The following KCNIP1 variants were observed in gnomAD, a reference collection of about 807,000 sequenced individuals.
KCNIP1 encodes potassium voltage-gated channel interacting protein 1, also known as A-type potassium channel modulatory protein KCNIP1.
KCNIP1 carries 18 observed loss-of-function variants against 33.0 expected under a neutral mutation model. The ratio of observed to expected loss-of-function variants is 0.55; its 90% CI spans 0.38 to 0.81. The LOEUF (loss-of-function observed/expected upper bound fraction) is 0.81. Among genes scored for constraint, KCNIP1 ranks in the 30% least tolerant of loss-of-function variants. The pLI is 0.00. For missense variants in KCNIP1, 238 were observed against 271.6 expected, an observed-to-expected ratio of 0.88 and a Z score of 0.87; for synonymous variants, 93 against 98.3, an observed-to-expected ratio of 0.95 and a Z score of 0.32.
At chr5:170,596,816 G>T (rs1036583544) in intron 1 of KCNIP1, among the ~76,000 whole-genome samples, 2 of 152,230 alleles carry the variant, frequency 1.3e-5, no homozygotes, top group African/African-American at 4.8e-5. Flanking sequence ...AATGGAGGTT[G>T]TCCAGGGGGT....
chr5:170,548,122 T>C (rs1404821119), intron 1 of KCNIP1, among the ~76,000 whole-genome samples: 2 of 152,174 alleles, frequency 1.3e-5, no homozygotes, highest in Admixed American at 6.5e-5. Flanking sequence ...CACTTAAAAT[T>C]TTGAACTAAT....
upstream of KCNIP1, among the ~76,000 whole-genome samples, chr5:170,499,388 G>A (rs1006818851): frequency 6.6e-5 from 10 of 152,200 alleles, no homozygotes; most frequent in African/African-American, 1.9e-4. Flanking sequence ...TATGTGCCAG[G>A]CACCTGCTAA....
At chr5:170,582,628 C>T (rs1020721910) in intron 1 of KCNIP1, among the ~76,000 whole-genome samples, 10 of 152,216 alleles carry the variant, frequency 6.6e-5, no homozygotes, top group African/African-American at 1.9e-4. Flanking sequence ...CTCTTATTCC[C>T]GAAGAGATCC....
intron 1 of KCNIP1, among the ~76,000 whole-genome samples, chr5:170,439,489 C>CGGG (rs11431460): frequency 6.7e-6 from 1 of 149,574 alleles, no homozygotes; most frequent in East Asian, 2.0e-4. Context: ...GGGACGGGGG[C>CGGG]GGGGGGGTGC....
At chr5:170,469,488 C>A (rs1296200539) in intron 1 of KCNIP1, among the ~76,000 whole-genome samples, 2 of 152,222 alleles carry the variant, frequency 1.3e-5, no homozygotes, top group East Asian at 3.8e-4. Flanking sequence ...CCTTCCTCAT[C>A]GCCTTTGGGG....
intron 1 of KCNIP1, among the ~76,000 whole-genome samples, chr5:170,474,734 C>A (rs1228405055): frequency 6.6e-6 from 1 of 152,186 alleles, no homozygotes; most frequent in Non-Finnish European, 1.5e-5. Flanking sequence ...GCGAGTGGAA[C>A]CCAGGTGTTG....
intron 1 of KCNIP1, among the ~76,000 whole-genome samples, chr5:170,519,077 C>T (rs1755259235): frequency 6.6e-6 from 1 of 152,140 alleles, no homozygotes; most frequent in South Asian, 2.1e-4. Flanking sequence ...GGAATAATCT[C>T]GCACCAGCAT....
intron 1 of KCNIP1, among the ~76,000 whole-genome samples, chr5:170,633,721 CGGA>C (rs1402097049): frequency 1.5e-4 from 1 of 6,514 alleles, no homozygotes; most frequent in African/African-American, 8.2e-4. Flanking sequence ...GGCGGGGGGG[CGGA>C]GGGGGGGACG....
At chr5:170,511,849 C>G (rs1039538710) in intron 1 of KCNIP1, among the ~76,000 whole-genome samples, 1 of 152,220 alleles carries the variant, frequency 6.6e-6, no homozygotes, top group African/African-American at 2.4e-5. Flanking sequence ...ACCTCCTCTC[C>G]TCCTGGCTTT....
chr5:170,598,904 C>CGTGTGTGTGTGTGT (rs70979192), intron 1 of KCNIP1, among the ~76,000 whole-genome samples: 245 of 133,862 alleles, frequency 1.8e-3, no homozygotes, highest in African/African-American at 5.1e-3. Flanking sequence ...TGTGTGTGCG[C>CGTGTGTGTGTGTGT]GTGTGTGTGT....
chr5:170,577,248 C>T (rs895102220), intron 1 of KCNIP1, among the ~76,000 whole-genome samples: 2 of 152,108 alleles, frequency 1.3e-5, no homozygotes, highest in Non-Finnish European at 2.9e-5. Context: ...CAGCAGATGC[C>T]GAGTGACTCA....
chr5:170,580,410 T>A (rs1175260330), intron 1 of KCNIP1, among the ~76,000 whole-genome samples: 2 of 152,220 alleles, frequency 1.3e-5, no homozygotes, highest in Non-Finnish European at 2.9e-5. Context: ...GCAGGCACTG[T>A]TATCACTCTT....
chr5:170,628,079 G>A (rs1759907793), intron 1 of KCNIP1, among the ~76,000 whole-genome samples: 1 of 152,206 alleles, frequency 6.6e-6, no homozygotes, highest in Non-Finnish European at 1.5e-5. Flanking sequence ...CCGCCTCTGG[G>A]AATTCAGAGA....
At chr5:170,593,830 G>A (rs1758350431) in intron 1 of KCNIP1, among the ~76,000 whole-genome samples, 1 of 152,136 alleles carries the variant, frequency 6.6e-6, no homozygotes, top group Admixed American at 6.5e-5. Context: ...CTGGAGTTTG[G>A]GGATACATGT....
chr5:170,458,096 C>A (rs1254402131), intron 1 of KCNIP1, among the ~76,000 whole-genome samples: 1 of 152,130 alleles, frequency 6.6e-6, no homozygotes, highest in African/African-American at 2.4e-5. Context: ...GAAGAAAGAA[C>A]TTCAGAGCTC....
Position 170,504,042 on chromosome 5 carries a change from A to G in KCNIP1, c.-531A>G, listed in dbSNP as rs1754598852. 3.1e-6 allele frequency: 3 copies of G among 980,918 alleles called. No individual in the cohort carries two copies. The African/African-American group carries it at 5.4e-5, about 18-fold the overall frequency. The allele number at this position is 980,918 out of a possible 1,614,324, so 60.8% of individuals were successfully genotyped here. On this transcript the variant is annotated 5_prime_UTR_variant, in exon 1 of 8. Transcript: ENST00000328939. This position sits in a 1 kb window ranked among gnomAD's most constrained non-coding sequence, Gnocchi z 6.0. The stretch of plus-strand genomic sequence containing the variant: ...TCCGACTCTCGCCCCGAGCGCTGGC[A>G]GCAGGCAGCAGGCAGCAGGCGGGCG...
intron 1 of KCNIP1, among the ~76,000 whole-genome samples, chr5:170,631,569 G>A (rs1760052004): frequency 6.6e-6 from 1 of 152,240 alleles, no homozygotes; most frequent in South Asian, 2.1e-4. Context: ...ATTGTCTCCT[G>A]CACAGAAGGG....
upstream of KCNIP1, among the ~76,000 whole-genome samples, chr5:170,502,149 C>T (rs1020779424): frequency 4.6e-5 from 7 of 152,196 alleles, no homozygotes; most frequent in Non-Finnish European, 1.0e-4. Context: ...CTCAATTTCT[C>T]TCTGGGGTAA....
chr5:170,633,491 A>C (rs555781263), intron 1 of KCNIP1, among the ~76,000 whole-genome samples: 2 of 150,662 alleles, frequency 1.3e-5, no homozygotes, highest in African/African-American at 4.9e-5. Context: ...CAGCCAGTGC[A>C]GAGGCCTATG....
Sources: gnomAD v4.1 joint callset for allele counts (sites outside exome capture counted in the v4.1 genomes callset) on GRCh38, gnomAD v4.1.1 for gene constraint, Gnocchi (gnomAD v3.1) non-coding constraint, MANE v1.5 for transcripts, NCBI Gene and HGNC (gene_info 2026-07-23, HGNC 2026-07-21) for gene names.